The following MAK variants were observed in gnomAD, a reference collection of about 807,000 sequenced individuals.
The protein encoded by MAK is male germ cell associated kinase.
Under a neutral mutation model 82.6 loss-of-function variants are expected in MAK, and 65 were observed. That is an observed-to-expected ratio of 0.79 (90% CI 0.64 to 0.97). The LOEUF is 0.97. Ranked by LOEUF, MAK falls within the 50% of genes least tolerant of loss-of-function variation. The pLI is 0.00. For missense variants in MAK, 703 were observed against 780.2 expected (o/e 0.90, Z 1.18); for synonymous variants, 250 against 274.2 (o/e 0.91, Z 0.87).
At chr6:10,794,936 G>C (rs1427056021) in intron 9 of MAK, among the ~76,000 whole-genome samples, 1 of 151,980 alleles carries the variant, frequency 6.6e-6, no homozygotes, top group Non-Finnish European at 1.5e-5. Context: ...AGGTTGTGGT[G>C]AGCTGAGATC....
chr6:10,831,964 G>C (rs773916841), intron 1 of MAK, among the ~76,000 whole-genome samples: 1 of 152,126 alleles, frequency 6.6e-6, no homozygotes, highest in Non-Finnish European at 1.5e-5. Flanking sequence ...TTGAGACAGA[G>C]TGAGACTCTG....
rs369876330 is a variant in MAK at position 10,833,829 on chromosome 6, T to C, written c.-229-2952A>G. 3.3e-5 allele frequency among the ~76,000 whole-genome samples: 5 copies of C among 152,108 alleles called. No homozygotes were observed. The South Asian group carries it at 1.0e-3, about 31-fold the overall frequency. Reference sequence around the variant, plus strand: ...TTAAGCCCGAGCTAATAATCATAAGTACCAGCAAATGGTTCCCCATTTGCC... The same window carrying C: ...TTAAGCCCGAGCTAATAATCATAAGCACCAGCAAATGGTTCCCCATTTGCC... On this transcript the variant is annotated intron_variant, in intron 1 of 14. Coordinates refer to ENST00000354489, the MANE Select transcript of MAK (RefSeq NM_001242957.3).
intron 5 of MAK, among the ~76,000 whole-genome samples, chr6:10,810,477 T>C (rs1304422505): frequency 2.6e-5 from 4 of 151,684 alleles, no homozygotes; most frequent in African/African-American, 9.7e-5. Flanking sequence ...ATAGCTGGGA[T>C]TACAGGCGTC....
chr6:10,815,912 G>GTGTGTGTATATATATATATATATATATA (rs1554184483), intron 4 of MAK, among the ~76,000 whole-genome samples: 30 of 108,290 alleles, frequency 2.8e-4, no homozygotes, highest in South Asian at 8.7e-4. Flanking sequence ...GCTTTATACA[G>GTGTGTGTATATATATATATATATATATA]TATATATATA....
chr6:10,832,015 C>A (rs908960553), intron 1 of MAK, among the ~76,000 whole-genome samples: 2 of 152,090 alleles, frequency 1.3e-5, no homozygotes, highest in African/African-American at 4.8e-5. Flanking sequence ...CTGTAACCTC[C>A]GCCTCCCAGG....
intron 10 of MAK, among the ~76,000 whole-genome samples, chr6:10,789,997 A>G (rs1398856373): frequency 2.6e-5 from 4 of 152,214 alleles, no homozygotes; most frequent in South Asian, 2.1e-4. Flanking sequence ...AAATGAAACC[A>G]TGGAAGGTGA....
rs76972797 is a variant in MAK at position 10,808,955 on chromosome 6, C to T, written c.359-13G>A. On this transcript the variant is annotated splice_polypyrimidine_tract_variant and intron_variant, in intron 5 of 14. Transcript: ENST00000354489. The stretch of plus-strand genomic sequence containing the variant: ...CTATGAAAAAAGCCTTGATGATATA[C>T]GGAGAAAAAAAAATACAGTAAATCA... The T allele has an allele frequency of 1.0e-3, 1,655 of 1,605,628 alleles. 6 individuals are homozygous for T. The East Asian group carries it at 0.013, about 13-fold the overall frequency.
At position 10,793,372 on chromosome 6, in the gene MAK, G is replaced by A. The variant is rs1192056515; in HGVS notation, c.1144-1525C>T. 6.6e-6 allele frequency among the ~76,000 whole-genome samples: 1 copy of A among 152,116 alleles called. No homozygotes were observed. The highest frequency in any genetic ancestry group is 6.6e-5 in the Admixed American group (1 of 15,266). ...TCTAGTAGCCTGCCCAAGATCTCAC[G>A]GTCGTTCTATTCATCATGAAGATTC... On this transcript the variant is annotated intron_variant, in intron 9 of 14. Transcript: ENST00000354489. This position sits in a 1 kb window ranked among gnomAD's most constrained non-coding sequence, Gnocchi z 4.6.
chr6:10,783,299 C>G (rs1774174381), intron 11 of MAK, among the ~76,000 whole-genome samples: 1 of 152,106 alleles, frequency 6.6e-6, no homozygotes, highest in African/African-American at 2.4e-5. Context: ...ACATGATAAA[C>G]TCCCCACTGT....
intron 14 of MAK, among the ~76,000 whole-genome samples, chr6:10,769,030 C>T (rs1379250350): frequency 6.6e-6 from 1 of 152,126 alleles, no homozygotes; most frequent in African/African-American, 2.4e-5. Flanking sequence ...GGCAACATAG[C>T]AAGACCCTGT....
chr6:10,825,629 CT>C (rs1373291915), intron 2 of MAK, among the ~76,000 whole-genome samples: 1 of 151,982 alleles, frequency 6.6e-6, no homozygotes, highest in Admixed American at 6.6e-5. Flanking sequence ...AGCTTTACCC[CT>C]AAGCCTGTGA....
chr6:10,770,095 C>G lies in MAK; in HGVS notation c.1792+16G>C. On this transcript the variant is annotated intron_variant, in intron 14 of 14. Transcript: ENST00000354489. ...CTGCTAGGAATCTAGAAAACTGTAT[C>G]TGAAGTTGTTCCTACCTGAAGCCGT... 3 of 1,614,166 alleles carry G rather than the reference C, an allele frequency of 1.9e-6. No homozygotes were observed. The highest frequency in any genetic ancestry group is 2.2e-5 in the South Asian group (2 of 91,086).
rs1242031855 is a variant in MAK at position 10,763,726 on chromosome 6, C to G, written c.*726G>C. On this transcript the variant is annotated 3_prime_UTR_variant, in exon 15 of 15. Coordinates refer to ENST00000354489, the MANE Select transcript of MAK (RefSeq NM_001242957.3). ...ATTAGCCAGGCATGGTGGCACACGC[C>G]TCTAATCCCAGCTACTCGGGAGGCT... 1.3e-5 allele frequency: 2 copies of G among 152,162 alleles called. No individual in the cohort carries two copies. Among genetic ancestry groups the G allele is most frequent in the East Asian group, 3.9e-4 (2 of 5,192 alleles). The allele number at this position is 152,162 out of a possible 1,614,324, so 9.4% of individuals were successfully genotyped here. A position where few individuals can be genotyped will look rare whatever the true frequency, so the allele number is the denominator to read the frequency against.
rs778183897 is a variant in MAK at position 10,793,674 on chromosome 6, G to C, written c.1144-1827C>G. 3.9e-5 allele frequency among the ~76,000 whole-genome samples: 6 copies of C among 152,164 alleles called. No individual in the cohort carries two copies. Among genetic ancestry groups the C allele is most frequent in the Admixed American group, 6.5e-5 (1 of 15,278 alleles). On this transcript the variant is annotated intron_variant, in intron 9 of 14. Coordinates refer to ENST00000354489, the MANE Select transcript of MAK (RefSeq NM_001242957.3). This position sits in a 1 kb window ranked among gnomAD's most constrained non-coding sequence, Gnocchi z 4.6. The stretch of plus-strand genomic sequence containing the variant: ...AACTCACCTATATAAAAATGTGTGT[G>C]TGGCGGGGCTGGGGGCTAGGTTATT...
intron 9 of MAK, among the ~76,000 whole-genome samples, chr6:10,794,720 C>T (rs538999247): frequency 5.9e-5 from 9 of 152,240 alleles, no homozygotes; most frequent in African/African-American, 1.4e-4. Context: ...TGGCCAGGTG[C>T]GGTGGCTCAG....
At chr6:10,783,010 A>C (rs1241198217) in intron 11 of MAK, among the ~76,000 whole-genome samples, 3 of 152,190 alleles carry the variant, frequency 2.0e-5, no homozygotes, top group African/African-American at 7.2e-5. Context: ...ATCTTCCCAA[A>C]CAAGCTTCTG....
intron 7 of MAK, 139 bp downstream of exon 7, chr6:10,803,581 A>C: frequency 2.9e-6 from 2 of 683,122 alleles, no homozygotes; most frequent in Non-Finnish European, 4.9e-6. Flanking sequence ...ATTAATCATT[A>C]AAGTATGAGC....
At chr6:10,768,511 G>A (rs956895500) in intron 14 of MAK, among the ~76,000 whole-genome samples, 2 of 152,140 alleles carry the variant, frequency 1.3e-5, no homozygotes, top group South Asian at 4.1e-4. Context: ...AACCCGGGAG[G>A]TGGAGGTTGC....
chr6:10,785,569 T>A (rs1466881412), intron 10 of MAK, among the ~76,000 whole-genome samples: 1 of 152,262 alleles, frequency 6.6e-6, no homozygotes, highest in African/African-American at 2.4e-5. Context: ...GGGGCAGTTC[T>A]AGGCACAGGT....
Sources: gnomAD v4.1 joint callset for allele counts (sites outside exome capture counted in the v4.1 genomes callset) on GRCh38, gnomAD v4.1.1 for gene constraint, Gnocchi (gnomAD v3.1) non-coding constraint, MANE v1.5 for transcripts, NCBI Gene and HGNC (gene_info 2026-07-23, HGNC 2026-07-21) for gene names.